XKR6: variants seen among roughly 807,000 people sequenced by gnomAD.
XKR6 encodes XK-related protein 6.
Under a neutral mutation model 56.7 loss-of-function variants are expected in XKR6, and 22 were observed. That is an observed-to-expected ratio of 0.39 (90% CI 0.28 to 0.55). The LOEUF (loss-of-function observed/expected upper bound fraction) is 0.55, where lower values mean the gene tolerates loss of function less well. XKR6 is among the 20% of genes least tolerant of loss of function. The probability of loss-of-function intolerance (pLI) is 0.66; values close to 1 mark genes in which losing one functional copy is unlikely to be tolerated. For missense variants in XKR6, 852 were observed against 889.0 expected (o/e 0.96, Z 0.53); for synonymous variants, 524 against 387.8 (o/e 1.35, Z -4.13).
chr8:11,014,750 A>G (rs1276513792), intron 1 of XKR6, among the ~76,000 whole-genome samples: 1 of 152,120 alleles, frequency 6.6e-6, no homozygotes, highest in East Asian at 1.9e-4. Context: ...ACCGTGAGAA[A>G]AAGCCCTTTT....
intron 1 of XKR6, among the ~76,000 whole-genome samples, chr8:10,977,025 C>T (rs1486662487): frequency 6.6e-6 from 1 of 152,108 alleles, no homozygotes; most frequent in Non-Finnish European, 1.5e-5. Flanking sequence ...AAAGGATGAA[C>T]AGCTGCCAAG....
intron 1 of XKR6, among the ~76,000 whole-genome samples, chr8:10,953,173 C>T (rs775053610): frequency 3.3e-5 from 5 of 152,150 alleles, no homozygotes; most frequent in Non-Finnish European, 7.4e-5. Flanking sequence ...ATGTAATACT[C>T]ATCCTGAAAC....
At chr8:11,047,643 T>C (rs1373670371) in intron 1 of XKR6, among the ~76,000 whole-genome samples, 1 of 152,150 alleles carries the variant, frequency 6.6e-6, no homozygotes, top group Non-Finnish European at 1.5e-5. Flanking sequence ...GGAGTTGTTG[T>C]TTGATGGAGA....
intron 1 of XKR6, among the ~76,000 whole-genome samples, chr8:11,011,182 C>G (rs1312880318): frequency 6.6e-6 from 1 of 152,218 alleles, no homozygotes; most frequent in African/African-American, 2.4e-5. Context: ...ACTGTCCCTG[C>G]TTCAAGGAGT....
At chr8:10,928,196 T>C (rs964957345) in intron 1 of XKR6, among the ~76,000 whole-genome samples, 1 of 152,198 alleles carries the variant, frequency 6.6e-6, no homozygotes, top group African/African-American at 2.4e-5. Context: ...CTCAGTGCTG[T>C]GGGGCCCGGA....
At chr8:11,028,912 C>A (rs779322588) in intron 1 of XKR6, among the ~76,000 whole-genome samples, 1 of 152,184 alleles carries the variant, frequency 6.6e-6, no homozygotes, top group Non-Finnish European at 1.5e-5. Context: ...GGGATGTGAA[C>A]TCTCTGCAGG....
chr8:10,991,451 G>C (rs1797992113), intron 1 of XKR6, among the ~76,000 whole-genome samples: 1 of 152,154 alleles, frequency 6.6e-6, no homozygotes, highest in Non-Finnish European at 1.5e-5. Flanking sequence ...TGATTCAGAA[G>C]CTATCCAAAG....
chr8:11,052,593 G>A (rs1470417328), intron 1 of XKR6, among the ~76,000 whole-genome samples: 1 of 152,142 alleles, frequency 6.6e-6, no homozygotes, highest in Admixed American at 6.5e-5. Context: ...TGGACGTGAG[G>A]CTTTGGCTGT....
intron 1 of XKR6, among the ~76,000 whole-genome samples, chr8:10,926,419 T>G (rs949853118): frequency 2.2e-4 from 34 of 152,394 alleles, no homozygotes; most frequent in African/African-American, 7.9e-4. Context: ...TCTAGATTCC[T>G]AAGGCCCTTT....
At chr8:11,132,867 A>C (rs1800182391) in intron 1 of XKR6, among the ~76,000 whole-genome samples, 1 of 152,054 alleles carries the variant, frequency 6.6e-6, no homozygotes, top group Admixed American at 6.6e-5. Context: ...GTGTGAAAAA[A>C]AAAAAAATCT....
intron 1 of XKR6, among the ~76,000 whole-genome samples, chr8:11,023,716 G>T (rs888811254): frequency 9.2e-5 from 14 of 152,234 alleles, no homozygotes; most frequent in African/African-American, 3.4e-4. Flanking sequence ...CCTTCAGCAT[G>T]TCTGGGAGCA....
intron 1 of XKR6, among the ~76,000 whole-genome samples, chr8:11,032,003 C>T (rs908602338): frequency 6.6e-6 from 1 of 152,218 alleles, no homozygotes; most frequent in Non-Finnish European, 1.5e-5. Context: ...AGCAGGTGTG[C>T]GTGTCCCCAT....
At position 10,897,592 on chromosome 8, in the gene XKR6, C is replaced by CTT. The variant is rs928482384; in HGVS notation, c.*358_*359dup. 13 of 167,472 alleles carry CTT rather than the reference C, an allele frequency of 7.8e-5. No individual in the cohort carries two copies. Among genetic ancestry groups the CTT allele is most frequent in the Admixed American group, 1.9e-4 (3 of 16,082 alleles). 10.4% of individuals were successfully genotyped at this position (167,472 alleles called of 1,614,324 possible). A position where few individuals can be genotyped will look rare whatever the true frequency, so the allele number is the denominator to read the frequency against. On this transcript the variant is annotated 3_prime_UTR_variant, in exon 3 of 3. Transcript: ENST00000416569. ...TCTACACTTGGTGTAAGGTAAAAAA[C>CTT]TTTTTTTTTTTCTTTTGGAGTGGAG... is the stretch of plus-strand genomic sequence containing the variant.
At chr8:10,911,723 G>C (rs1411265875) in intron 2 of XKR6, among the ~76,000 whole-genome samples, 2 of 148,406 alleles carry the variant, frequency 1.3e-5, no homozygotes, top group African/African-American at 2.5e-5. Flanking sequence ...GAGAGAGTGA[G>C]GGGTGTGTGT....
chr8:11,063,973 C>G (rs1158672094), intron 1 of XKR6, among the ~76,000 whole-genome samples: 2 of 152,200 alleles, frequency 1.3e-5, no homozygotes, highest in Non-Finnish European at 2.9e-5. Flanking sequence ...TGACAAAAAG[C>G]TTACTGAGTG....
At chr8:10,924,243 G>T (rs1285452582) in intron 2 of XKR6, among the ~76,000 whole-genome samples, 3 of 152,216 alleles carry the variant, frequency 2.0e-5, no homozygotes, top group African/African-American at 7.2e-5. Flanking sequence ...CCAATATGAC[G>T]GCCCCTTGTG....
chr8:10,956,301 C>T (rs1801885097), intron 1 of XKR6, among the ~76,000 whole-genome samples: 1 of 141,586 alleles, frequency 7.1e-6, no homozygotes, highest in Non-Finnish European at 1.5e-5. Flanking sequence ...ATTTCCTTTA[C>T]TTTCTGCCCA....
At chr8:11,121,421 A>G (rs183781808) in intron 1 of XKR6, among the ~76,000 whole-genome samples, 91 of 152,354 alleles carry the variant, frequency 6.0e-4, no homozygotes, top group Non-Finnish European at 1.2e-3. Flanking sequence ...GCAGCCAAAA[A>G]ACACATGAAA....
chr8:11,131,587 C>A (rs1042835327), intron 1 of XKR6, among the ~76,000 whole-genome samples: 1 of 152,130 alleles, frequency 6.6e-6, no homozygotes, highest in African/African-American at 2.4e-5. Flanking sequence ...TTCATCCTTG[C>A]CATTAGCCGC....
Sources: gnomAD v4.1 joint callset for allele counts (sites outside exome capture counted in the v4.1 genomes callset) on GRCh38, gnomAD v4.1.1 for gene constraint, MANE v1.5 for transcripts, NCBI Gene and HGNC (gene_info 2026-07-23, HGNC 2026-07-21) for gene names.